The following SGCZ variants were observed in gnomAD, a reference collection of about 807,000 sequenced individuals.
SGCZ encodes the protein zeta-sarcoglycan.
Under a neutral mutation model 41.3 loss-of-function variants are expected in SGCZ, and 40 were observed. That is an observed-to-expected ratio of 0.97 (90% CI 0.75 to 1.26). The LOEUF is 1.26. Ranked by LOEUF, SGCZ falls within the 50% of genes most tolerant of loss-of-function variation. SGCZ has a pLI of 0.00. For synonymous variants in SGCZ, 206 were observed against 137.5 expected, an observed-to-expected ratio of 1.50 and a Z score of -3.49; for missense variants, 552 against 369.8, an observed-to-expected ratio of 1.49 and a Z score of -4.04.
intron 1 of SGCZ, among the ~76,000 whole-genome samples, chr8:14,774,992 GA>G (rs1378599632): frequency 6.6e-6 from 1 of 151,704 alleles, no homozygotes; most frequent in African/African-American, 2.4e-5. Context: ...CCACATAAAG[GA>G]AAAAAATGCT....
chr8:15,080,185 T>C (rs1805687591), intron 1 of SGCZ, among the ~76,000 whole-genome samples: 1 of 152,194 alleles, frequency 6.6e-6, no homozygotes, highest in African/African-American at 2.4e-5. Context: ...TCCAGGCAGA[T>C]ATTCAGTGAA....
At chr8:14,461,896 CAT>C (rs1356356901) in intron 2 of SGCZ, among the ~76,000 whole-genome samples, 1 of 152,010 alleles carries the variant, frequency 6.6e-6, no homozygotes, top group Non-Finnish European at 1.5e-5. Context: ...CTGGACATAA[CAT>C]ATTGATTTGG....
At chr8:14,397,901 G>A (rs969858593) in intron 2 of SGCZ, among the ~76,000 whole-genome samples, 14 of 152,120 alleles carry the variant, frequency 9.2e-5, no homozygotes, top group Admixed American at 9.2e-4. Flanking sequence ...AGACAACCTT[G>A]CCCTGCATTT....
chr8:14,274,334 T>G (rs1585307907), intron 3 of SGCZ, among the ~76,000 whole-genome samples: 1 of 152,222 alleles, frequency 6.6e-6, no homozygotes, highest in East Asian at 1.9e-4. Context: ...ACTGTTAAGG[T>G]TTATTATTAA....
intron 1 of SGCZ, among the ~76,000 whole-genome samples, chr8:15,177,332 A>C (rs1008113944): frequency 6.6e-6 from 1 of 152,178 alleles, no homozygotes; most frequent in Non-Finnish European, 1.5e-5. Flanking sequence ...ATGGATAACG[A>C]AAGAGGAAAC....
At chr8:14,591,669 G>A (rs144127501) in intron 1 of SGCZ, among the ~76,000 whole-genome samples, 1 of 152,054 alleles carries the variant, frequency 6.6e-6, no homozygotes, top group Non-Finnish European at 1.5e-5. Context: ...ATGAATGCCA[G>A]TAAAAATTAA....
chr8:14,544,705 C>A (rs974125754), intron 2 of SGCZ, among the ~76,000 whole-genome samples: 2 of 152,062 alleles, frequency 1.3e-5, no homozygotes, highest in East Asian at 3.9e-4. Flanking sequence ...TTGTGCTCGA[C>A]CGGTTCTCTG....
At chr8:14,888,475 G>T (rs907458247) in intron 1 of SGCZ, among the ~76,000 whole-genome samples, 3 of 152,082 alleles carry the variant, frequency 2.0e-5, no homozygotes, top group Admixed American at 2.0e-4. Flanking sequence ...AGAAGTGAAA[G>T]AATATAGAAA....
chr8:14,784,990 A>T (rs539928505), intron 1 of SGCZ, among the ~76,000 whole-genome samples: 7 of 137,312 alleles, frequency 5.1e-5, no homozygotes, highest in African/African-American at 8.0e-5. Flanking sequence ...TTTATATATT[A>T]TATATATATA....
At chr8:14,628,635 T>C (rs1218271451) in intron 1 of SGCZ, among the ~76,000 whole-genome samples, 2 of 152,018 alleles carry the variant, frequency 1.3e-5, no homozygotes, top group African/African-American at 4.8e-5. Context: ...TTAGGCAAAA[T>C]TTCTATTAGC....
At chr8:14,413,392 AT>A (rs1004507717) in intron 2 of SGCZ, among the ~76,000 whole-genome samples, 2 of 151,760 alleles carry the variant, frequency 1.3e-5, no homozygotes, top group South Asian at 2.1e-4. Flanking sequence ...AATAAGTTCA[AT>A]TTTTTTGTTG....
chr8:14,520,189 C>T (rs1157103473), intron 2 of SGCZ, among the ~76,000 whole-genome samples: 1 of 152,020 alleles, frequency 6.6e-6, no homozygotes, highest in African/African-American at 2.4e-5. Flanking sequence ...TGTAAGAATG[C>T]ATTGGAACTA....
At chr8:14,748,412 T>C (rs1799401106) in intron 1 of SGCZ, among the ~76,000 whole-genome samples, 1 of 152,200 alleles carries the variant, frequency 6.6e-6, no homozygotes. Flanking sequence ...ACTTCTATCC[T>C]TTAGGTTGTA....
chr8:14,659,432 T>C (rs1807677463), intron 1 of SGCZ, among the ~76,000 whole-genome samples: 1 of 152,224 alleles, frequency 6.6e-6, no homozygotes, highest in African/African-American at 2.4e-5. Context: ...AATTCTATCC[T>C]TTTCTCAAAT....
rs1182329393 is a variant in SGCZ, at chr8:14,146,890, A to AAAAAAAAAAAATAATAAT, written c.547+17689_547+17690insATTATTATTTTTTTTTTT. Among the ~76,000 whole-genome samples, 791 of 114,556 alleles carry AAAAAAAAAAAATAATAAT rather than the reference A, an allele frequency of 6.9e-3. 25 individuals are homozygous for AAAAAAAAAAAATAATAAT. Among genetic ancestry groups the AAAAAAAAAAAATAATAAT allele is most frequent in the Non-Finnish European group, 9.6e-3 (521 of 54,394 alleles). 75.2% of individuals were successfully genotyped at this position (114,556 alleles called of 152,430 possible). On this transcript the variant is annotated intron_variant, in intron 5 of 7. Coordinates refer to ENST00000382080, the MANE Select transcript of SGCZ (RefSeq NM_139167.4). ...CCGTCTCAAAAAATAAAAATAAAAA[A>AAAAAAAAAAAATAATAAT]AATAATAATAATAATAACTACAGCA...
intron 3 of SGCZ, among the ~76,000 whole-genome samples, chr8:14,281,522 A>C (rs1240607725): frequency 1.3e-5 from 2 of 152,026 alleles, no homozygotes. Flanking sequence ...CAAATTGAAT[A>C]TACATGCACA....
intron 1 of SGCZ, among the ~76,000 whole-genome samples, chr8:15,019,284 T>C (rs1420880318): frequency 3.3e-5 from 5 of 151,818 alleles, no homozygotes; most frequent in African/African-American, 1.2e-4. Context: ...TGCAGAGAAA[T>C]GGAAGAATTT....
chr8:14,511,589 T>A (rs1802470217), intron 2 of SGCZ, among the ~76,000 whole-genome samples: 1 of 152,090 alleles, frequency 6.6e-6, no homozygotes, highest in African/African-American at 2.4e-5. Flanking sequence ...TATTAAGATT[T>A]TTGGATTTTA....
intron 1 of SGCZ, among the ~76,000 whole-genome samples, chr8:14,627,763 C>G (rs929162581): frequency 2.7e-5 from 4 of 150,444 alleles, no homozygotes; most frequent in African/African-American, 9.8e-5. Flanking sequence ...TTTTTTTTGA[C>G]TGCAATCATG....
Sources: allele counts gnomAD v4.1 joint callset (sites outside exome capture counted in the v4.1 genomes callset), GRCh38; gene constraint gnomAD v4.1.1; transcripts MANE v1.5; gene names NCBI Gene and HGNC (gene_info 2026-07-23, HGNC 2026-07-21).